Variants in PATJ observed in about 807,000 individuals in gnomAD.
The protein encoded by PATJ is inaD-like protein.
In PATJ, 190 loss-of-function variants were observed where a neutral mutation model predicts 224.9. That is an observed-to-expected ratio of 0.84 (90% CI 0.75 to 0.95). PATJ has a LOEUF of 0.95. Ranked by LOEUF, PATJ falls within the 40% of genes least tolerant of loss-of-function variation. PATJ has a pLI of 0.00. For synonymous variants in PATJ, 769 were observed against 820.3 expected, an observed-to-expected ratio of 0.94 and a Z score of 1.07; for missense variants, 2,121 against 2,270.3, an observed-to-expected ratio of 0.93 and a Z score of 1.34.
chr1:62,012,624 A>G (rs1418153890), intron 28 of PATJ, among the ~76,000 whole-genome samples: 2 of 152,174 alleles, frequency 1.3e-5, no homozygotes, highest in Non-Finnish European at 2.9e-5. Flanking sequence ...TAGTTATTGA[A>G]TTTTCAGTGG....
chr1:61,831,060 A>G (rs544607824), intron 16 of PATJ, among the ~76,000 whole-genome samples: 3 of 151,618 alleles, frequency 2.0e-5, no homozygotes, highest in Admixed American at 1.3e-4. Flanking sequence ...GGTGGCGGGT[A>G]CCTGTAGTCC....
intron 14 of PATJ, among the ~76,000 whole-genome samples, chr1:61,813,394 CACACATACACACAT>C (rs1474682427): frequency 5.0e-5 from 7 of 138,896 alleles, no homozygotes; most frequent in African/African-American, 1.9e-4. Flanking sequence ...CACACACACA[CACACATACACACAT>C]ATACATATTT....
chr1:61,853,434 T>C (rs1055932854), intron 17 of PATJ, among the ~76,000 whole-genome samples: 2 of 152,214 alleles, frequency 1.3e-5, no homozygotes, highest in Admixed American at 1.3e-4. Context: ...TATTTTGCTG[T>C]TGCAGTTTTC....
intron 30 of PATJ, among the ~76,000 whole-genome samples, chr1:62,041,936 G>A (rs978978920): frequency 3.3e-5 from 5 of 151,924 alleles, no homozygotes; most frequent in Non-Finnish European, 4.4e-5. Flanking sequence ...GCAGTGAGCC[G>A]AGATCGTGCC....
intron 35 of PATJ, chr1:62,114,495 C>G (rs529898250): frequency 1.1e-5 from 4 of 351,072 alleles, no homozygotes; most frequent in African/African-American, 6.4e-5. Flanking sequence ...GAACAACTAG[C>G]AAGGTTCTTT....
intron 28 of PATJ, among the ~76,000 whole-genome samples, 185 bp from the exon 29 acceptor site, chr1:62,017,671 G>T (rs1171288265): frequency 6.7e-6 from 1 of 148,672 alleles, no homozygotes; most frequent in African/African-American, 2.5e-5. Context: ...GGCGGAGGTT[G>T]CAGTGAGCCA....
intron 25 of PATJ, among the ~76,000 whole-genome samples, chr1:61,914,194 G>A (rs913858063): frequency 2.0e-5 from 3 of 152,174 alleles, no homozygotes; most frequent in East Asian, 3.8e-4. Context: ...AGTGGCTCAC[G>A]CCTGTAATCC....
At chr1:61,972,931 G>A (rs529024253) in intron 27 of PATJ, among the ~76,000 whole-genome samples, 14 of 151,680 alleles carry the variant, frequency 9.2e-5, no homozygotes, top group African/African-American at 3.4e-4. Flanking sequence ...GATAGGCTGT[G>A]GTTCAAAATA....
chr1:61,751,011 T>A (rs113062742), intron 1 of PATJ, among the ~76,000 whole-genome samples: 1 of 150,596 alleles, frequency 6.6e-6, no homozygotes, highest in Non-Finnish European at 1.5e-5. Context: ...CTTTTTTTTT[T>A]TTTTTTGAGA....
chr1:61,930,228 A>G (rs760952719), intron 27 of PATJ, among the ~76,000 whole-genome samples: 20 of 152,278 alleles, frequency 1.3e-4, no homozygotes, highest in Non-Finnish European at 2.8e-4. Flanking sequence ...GAAGAATTTG[A>G]ACTGTATGGA....
At chr1:61,871,494 TATATATACATATATAC>T (rs1463181087) in intron 20 of PATJ, among the ~76,000 whole-genome samples, 2 of 50,460 alleles carry the variant, frequency 4.0e-5, no homozygotes, top group African/African-American at 1.6e-4. Context: ...TGTATATATG[TATATATACATATATAC>T]GCATATATAT....
At chr1:61,979,134 A>G (rs1644307381) in intron 27 of PATJ, among the ~76,000 whole-genome samples, 2 of 152,076 alleles carry the variant, frequency 1.3e-5, no homozygotes, top group Admixed American at 6.5e-5. Flanking sequence ...TCTCTCTCCA[A>G]TTATTCTAGT....
At chr1:61,992,851 T>G (rs1645148026) in intron 28 of PATJ, among the ~76,000 whole-genome samples, 1 of 152,230 alleles carries the variant, frequency 6.6e-6, no homozygotes, top group Non-Finnish European at 1.5e-5. Flanking sequence ...TTTTGGTTAT[T>G]GGTTGTATTT....
chr1:61,763,992 G>T (rs1304665863), intron 3 of PATJ, among the ~76,000 whole-genome samples: 1 of 149,172 alleles, frequency 6.7e-6, no homozygotes, highest in East Asian at 2.0e-4. Context: ...TTGTGTGTGT[G>T]TGTGGTCTTT....
intron 31 of PATJ, among the ~76,000 whole-genome samples, chr1:62,070,546 A>G (rs563694827): frequency 6.6e-6 from 1 of 152,376 alleles, no homozygotes; most frequent in Admixed American, 6.5e-5. Flanking sequence ...ATAAAAAGAT[A>G]CAATATAATC....
intron 21 of PATJ, among the ~76,000 whole-genome samples, chr1:61,876,627 C>G (rs1215417722): frequency 6.6e-6 from 1 of 152,094 alleles, no homozygotes; most frequent in Non-Finnish European, 1.5e-5. Context: ...CACACCCTCT[C>G]CCAGTAATGA....
chr1:61,851,547 C>T (rs1277208306), intron 17 of PATJ, among the ~76,000 whole-genome samples: 1 of 152,178 alleles, frequency 6.6e-6, no homozygotes, highest in Non-Finnish European at 1.5e-5. Context: ...CGAGACAGAA[C>T]TGCAGTTCTG....
At chr1:61,999,628 G>A (rs904780785) in intron 28 of PATJ, among the ~76,000 whole-genome samples, 7 of 151,896 alleles carry the variant, frequency 4.6e-5, no homozygotes, top group African/African-American at 1.2e-4. Context: ...AGATCACACC[G>A]TTGCACTCCA....
chr1:62,096,767 C>T lies in PATJ; in HGVS notation c.4378-11670C>T, dbSNP rs185496401. On this transcript the variant is annotated intron_variant, in intron 33 of 43. Coordinates refer to ENST00000642238, the MANE Select transcript of PATJ (RefSeq NM_001350145.3). ...AGTAGCTGGGATTACAGGCACCCACCACCACACCCAGCTAACTTTTTGTAT... is the reference window on the plus strand; with the variant it reads ...AGTAGCTGGGATTACAGGCACCCACTACCACACCCAGCTAACTTTTTGTAT... Among the ~76,000 whole-genome samples, 411 of 152,230 alleles carry T rather than the reference C, an allele frequency of 2.7e-3. 2 individuals are homozygous for T. The highest frequency in any genetic ancestry group is 4.2e-3 in the Non-Finnish European group (284 of 68,012).
Sources: allele counts gnomAD v4.1 joint callset (sites outside exome capture counted in the v4.1 genomes callset), GRCh38; gene constraint gnomAD v4.1.1; transcripts MANE v1.5; gene names NCBI Gene and HGNC (gene_info 2026-07-23, HGNC 2026-07-21).